SYNPO2: variants seen among roughly 807,000 people sequenced by gnomAD.
SYNPO2 encodes synaptopodin-2.
In SYNPO2, 56 loss-of-function variants were observed where a neutral mutation model predicts 85.0. The ratio of observed to expected loss-of-function variants is 0.66; its 90% CI spans 0.53 to 0.82. The LOEUF (loss-of-function observed/expected upper bound fraction) is 0.82. SYNPO2 is among the 40% of genes least tolerant of loss of function. SYNPO2 has a pLI of 0.00. For missense variants in SYNPO2, 1,575 were observed against 1,534.2 expected (o/e 1.03, Z -0.44); for synonymous variants, 602 against 591.1 (o/e 1.02, Z -0.27).
At chr4:119,040,095 G>A (rs1394170008) in intron 4 of SYNPO2, among the ~76,000 whole-genome samples, 1 of 152,176 alleles carries the variant, frequency 6.6e-6, no homozygotes, top group Non-Finnish European at 1.5e-5. Flanking sequence ...AAGATTAAAT[G>A]AAACAATATG....
At chr4:118,952,840 CA>C in intron 1 of SYNPO2, among the ~76,000 whole-genome samples, 1 of 151,956 alleles carries the variant, frequency 6.6e-6, no homozygotes, top group East Asian at 1.9e-4. Flanking sequence ...TGGTGCTTTA[CA>C]AAACTTTATT....
At chr4:118,872,218 C>T (rs1196575782) in intron 1 of SYNPO2, among the ~76,000 whole-genome samples, 2 of 152,100 alleles carry the variant, frequency 1.3e-5, no homozygotes, top group African/African-American at 4.8e-5. Context: ...TATCCATCAT[C>T]TGAATAACGT....
chr4:118,856,158 T>A (rs1334488081), intron 1 of SYNPO2, among the ~76,000 whole-genome samples: 1 of 152,222 alleles, frequency 6.6e-6, no homozygotes, highest in Non-Finnish European at 1.5e-5. Flanking sequence ...CCATATATAT[T>A]TTTTCAGCTT....
chr4:118,958,209 G>A (rs992888908), intron 1 of SYNPO2, among the ~76,000 whole-genome samples: 1 of 151,984 alleles, frequency 6.6e-6, no homozygotes, highest in Non-Finnish European at 1.5e-5. Flanking sequence ...TCTTATGTTC[G>A]CATTAGTCCA....
intron 1 of SYNPO2, among the ~76,000 whole-genome samples, chr4:118,984,380 A>G (rs1736141077): frequency 6.6e-6 from 1 of 152,222 alleles, no homozygotes; most frequent in South Asian, 2.1e-4. Flanking sequence ...AATTAAAAAA[A>G]TCCTCTTCAG....
chr4:118,963,893 AG>A (rs1339263087), intron 1 of SYNPO2, among the ~76,000 whole-genome samples: 1 of 152,180 alleles, frequency 6.6e-6, no homozygotes. Flanking sequence ...AGTAGCATGG[AG>A]GCCACAGCTG....
intron 1 of SYNPO2, among the ~76,000 whole-genome samples, chr4:119,000,930 C>A (rs1006597659): frequency 6.6e-6 from 1 of 152,180 alleles, no homozygotes; most frequent in Non-Finnish European, 1.5e-5. Flanking sequence ...AAACCATTCA[C>A]TGGGGCACAA....
At position 118,889,062 on chromosome 4, in the gene SYNPO2, T is replaced by A; in HGVS notation, c.26T>A (p.Ile9Asn). Residue 9 changes from isoleucine to asparagine, a missense_variant, in exon 1 of 5, where the codon ATT (isoleucine) becomes AAT (asparagine). Ile to Asn is a moderately radical substitution (Grantham distance 149). This residue lies in a region of SYNPO2 where 55 missense variants were observed against 55.5 expected (regional missense o/e 0.99). Transcript: ENST00000307142. ...ATGGGCACAGGGGATTTTATCTGCA[T>A]TTCCATGACTGGAGGGGCGCCCTGG... The part of the protein sequence containing the change: MGTGDFIC[I>N]SMTGGAPWGF... 3 of 1,614,120 alleles carry A rather than the reference T, an allele frequency of 1.9e-6. No individual in the cohort carries two copies. The highest frequency in any genetic ancestry group is 2.5e-6 in the Non-Finnish European group (3 of 1,180,006).
chr4:119,035,806 C>T (rs537289624), intron 4 of SYNPO2: 10 of 931,636 alleles, frequency 1.1e-5, no homozygotes, highest in Middle Eastern at 1.1e-3. Context: ...GCAAGAGTCA[C>T]ATCTGAGATG....
intron 1 of SYNPO2, among the ~76,000 whole-genome samples, chr4:119,009,777 A>G (rs1452311980): frequency 6.6e-6 from 1 of 152,226 alleles, no homozygotes; most frequent in Non-Finnish European, 1.5e-5. Flanking sequence ...GTTATTAACC[A>G]CCATCTTATA....
rs567459300 is a variant in SYNPO2 at position 118,959,727 on chromosome 4, C to CT, written c.106-63696dup. ...TCATTCCTCCTCTATCACCTTTTTTCTTTTTTTCACTTAGCCCAGCACAAA... is the reference window on the plus strand; with the variant it reads ...TCATTCCTCCTCTATCACCTTTTTTCTTTTTTTTCACTTAGCCCAGCACAAA... On this transcript the variant is annotated intron_variant, in intron 1 of 4. Coordinates refer to ENST00000307142, the MANE Select transcript of SYNPO2 (RefSeq NM_133477.3). Among the ~76,000 whole-genome samples the CT allele has an allele frequency of 1.9e-3, 189 of 101,244 alleles. 1 individual carries two copies. Among genetic ancestry groups the CT allele is most frequent in the African/African-American group, 4.9e-3 (168 of 34,144 alleles). The allele number at this position is 101,244 out of a possible 152,430, so 66.4% of individuals were successfully genotyped here. A position where few individuals can be genotyped will look rare whatever the true frequency, so the allele number is the denominator to read the frequency against.
chr4:119,041,147 T>A (rs1204065183), intron 4 of SYNPO2, among the ~76,000 whole-genome samples: 1 of 152,210 alleles, frequency 6.6e-6, no homozygotes, highest in Admixed American at 6.5e-5. Context: ...TCAAGACTCA[T>A]CTTGAAGATA....
intron 1 of SYNPO2, among the ~76,000 whole-genome samples, chr4:118,931,931 A>C (rs1232094659): frequency 6.6e-6 from 1 of 152,182 alleles, no homozygotes; most frequent in Non-Finnish European, 1.5e-5. Context: ...GGTGAGTTAC[A>C]GTTTTTGTTC....
chr4:119,004,224 C>CT (rs142384643), intron 1 of SYNPO2, among the ~76,000 whole-genome samples: 5,099 of 151,988 alleles, frequency 0.034, 282 homozygotes, highest in African/African-American at 0.12. Context: ...TCAAAATTAC[C>CT]TTTTTTTAAA....
intron 1 of SYNPO2, among the ~76,000 whole-genome samples, chr4:118,916,729 C>CTTTTTTTTTTTTT (rs199715189): frequency 3.4e-5 from 4 of 117,038 alleles, no homozygotes; most frequent in Non-Finnish European, 5.0e-5. Flanking sequence ...ATTTTTCTTT[C>CTTTTTTTTTTTTT]TTTTTTTTTT....
chr4:119,034,219 C>A, intron 4 of SYNPO2: 4 of 985,404 alleles, frequency 4.1e-6, no homozygotes, highest in Non-Finnish European at 4.8e-6. Flanking sequence ...GAAAAAAGAT[C>A]ATTTTTATAG....
At chr4:118,862,521 A>T (rs1731627433) in intron 1 of SYNPO2, among the ~76,000 whole-genome samples, 1 of 152,062 alleles carries the variant, frequency 6.6e-6, no homozygotes, top group African/African-American at 2.4e-5. Flanking sequence ...GTTTTTTGAG[A>T]GTTTTTATCA....
chr4:118,888,985 A>C lies in SYNPO2; in HGVS notation c.-52A>C. ...TGAGTGCGCATCCTCTACCGCACCCAAGCTTCGTCTGTCTCGTCAAGCTCT... is the reference window on the plus strand; with the variant it reads ...TGAGTGCGCATCCTCTACCGCACCCCAGCTTCGTCTGTCTCGTCAAGCTCT... On this transcript the variant is annotated 5_prime_UTR_variant, in exon 1 of 5. Transcript: ENST00000307142. The C allele has an allele frequency of 6.3e-7, 1 of 1,587,548 alleles. No homozygotes were observed. Among genetic ancestry groups the C allele is most frequent in the South Asian group, 1.1e-5 (1 of 90,240 alleles).
In SYNPO2 at chr4:118,924,152, T is replaced by A. The variant is rs551564843; in HGVS notation, c.105+35011T>A. Among the ~76,000 whole-genome samples the A allele has an allele frequency of 2.6e-5, 4 of 152,234 alleles. No homozygotes were observed. In the East Asian group the frequency reaches 7.7e-4, roughly 29 times the overall value. The stretch of plus-strand genomic sequence containing the variant: ...TGGGTGTATAGCATTCCCCAGCAGA[T>A]TAAAGACCAGCAAGTCAATACAAAG... On this transcript the variant is annotated intron_variant, in intron 1 of 4. Transcript: ENST00000307142.
Sources: gnomAD v4.1 joint callset for allele counts (sites outside exome capture counted in the v4.1 genomes callset) on GRCh38, gnomAD v4.1.1 for gene constraint, gnomAD v4.1.1 regional missense constraint, MANE v1.5 for transcripts, NCBI Gene and HGNC (gene_info 2026-07-23, HGNC 2026-07-21) for gene names.